The following AFAP1 variants were observed in gnomAD, a reference collection of about 807,000 sequenced individuals.
AFAP1 encodes the protein actin filament associated protein 1, also known as actin filament-associated protein 1.
Under a neutral mutation model 93.9 loss-of-function variants are expected in AFAP1, and 75 were observed. The ratio of observed to expected loss-of-function variants is 0.80; its 90% CI spans 0.66 to 0.97. AFAP1 has a LOEUF of 0.97. Among genes scored for constraint, AFAP1 ranks in the 50% least tolerant of loss-of-function variants. The pLI, the probability that AFAP1 is intolerant of heterozygous loss-of-function variation, is 0.00. For missense variants in AFAP1, 1,201 were observed against 1,050.8 expected, an observed-to-expected ratio of 1.14 and a Z score of -1.98; for synonymous variants, 517 against 430.7, an observed-to-expected ratio of 1.20 and a Z score of -2.48.
At chr4:7,869,712 G>A (rs946529488) in intron 2 of AFAP1, among the ~76,000 whole-genome samples, 1 of 152,064 alleles carries the variant, frequency 6.6e-6, no homozygotes, top group African/African-American at 2.4e-5. Flanking sequence ...ACCTATAATG[G>A]GTCCAGTACT....
rs935686600 is a variant in AFAP1 at position 7,867,568 on chromosome 4, G to T, written c.225+1054C>A. Among the ~76,000 whole-genome samples the T allele has an allele frequency of 2.0e-5, 3 of 152,298 alleles. No individual in the cohort carries two copies. The South Asian group carries it at 6.2e-4, about 32-fold the overall frequency. ...GAACTAGTATTGTTGAGAAAAGTGT[G>T]AATTTGAAATAAATGTTGCAATCTC... is the stretch of plus-strand genomic sequence containing the variant. On this transcript the variant is annotated intron_variant, in intron 3 of 17. Transcript: ENST00000420658.
chr4:7,875,084 T>C (rs9761244), intron 1 of AFAP1, among the ~76,000 whole-genome samples: 4,320 of 152,288 alleles, frequency 0.028, 206 homozygotes, highest in African/African-American at 0.099. Context: ...ACTTACCTAT[T>C]GTCAGTCATA....
chr4:7,876,706 G>C (rs1266920261), intron 1 of AFAP1, among the ~76,000 whole-genome samples: 1 of 152,158 alleles, frequency 6.6e-6, no homozygotes, highest in Admixed American at 6.5e-5. Context: ...TGAATTCCAA[G>C]AAATATTTGT....
At position 7,936,986 on chromosome 4, in the gene AFAP1, A is replaced by G. The variant is rs145299692; in HGVS notation, c.-3+2670T>C. Among the ~76,000 whole-genome samples the G allele has an allele frequency of 2.0e-3, 310 of 152,342 alleles. 1 individual carries two copies. The highest frequency in any genetic ancestry group is 6.8e-3 in the African/African-American group (281 of 41,584). ...TTACTCCCATTTTACTCTCCAAAATAAAATGTTAGGTTGAAACATACTTCA... is the reference window on the plus strand; with the variant it reads ...TTACTCCCATTTTACTCTCCAAAATGAAATGTTAGGTTGAAACATACTTCA... On this transcript the variant is annotated intron_variant, in intron 1 of 17. Coordinates refer to ENST00000420658, the MANE Select transcript of AFAP1 (RefSeq NM_001134647.2).
intron 1 of AFAP1, among the ~76,000 whole-genome samples, chr4:7,907,150 T>TAAC (rs758027270): frequency 6.6e-6 from 1 of 152,318 alleles, no homozygotes; most frequent in East Asian, 1.9e-4. Context: ...ATACAACTTG[T>TAAC]AACAGTGAGT....
intron 9 of AFAP1, among the ~76,000 whole-genome samples, chr4:7,806,250 C>A (rs1053503310): frequency 4.6e-5 from 7 of 152,222 alleles, no homozygotes; most frequent in African/African-American, 1.4e-4. Flanking sequence ...ACCTGGCCAG[C>A]CAGGCTGCAA....
At chr4:7,824,631 C>T (rs1216554554) in intron 6 of AFAP1, among the ~76,000 whole-genome samples, 2 of 152,144 alleles carry the variant, frequency 1.3e-5, no homozygotes, top group African/African-American at 2.4e-5. Flanking sequence ...TTAATGGTTA[C>T]ATTAAAATTA....
chr4:7,788,947 G>T (rs1717574552), intron 11 of AFAP1: 3 of 152,332 alleles, frequency 2.0e-5, no homozygotes. Flanking sequence ...CAGAGGCCCT[G>T]GGGGGCTCCA....
rs116139333 is a variant in AFAP1, at chr4:7,933,066, G to A, written c.-3+6590C>T. On this transcript the variant is annotated intron_variant, in intron 1 of 17. Coordinates refer to ENST00000420658, the MANE Select transcript of AFAP1 (RefSeq NM_001134647.2). ...GGGGGGGGATCTTCACGTTCCTGAC[G>A]ATTTGCAAAAAAAAATTGGTATCTG... is the stretch of plus-strand genomic sequence containing the variant. Among the ~76,000 whole-genome samples the A allele has an allele frequency of 2.1e-3, 307 of 144,162 alleles. 2 individuals carry two copies. Among genetic ancestry groups the A allele is most frequent in the African/African-American group, 7.5e-3 (292 of 38,690 alleles). The allele number at this position is 144,162 out of a possible 152,430, so 94.6% of individuals were successfully genotyped here.
intron 8 of AFAP1, among the ~76,000 whole-genome samples, chr4:7,810,977 A>C (rs1456588020): frequency 6.6e-6 from 1 of 152,220 alleles, no homozygotes; most frequent in African/African-American, 2.4e-5. Context: ...CAGGCAAGAA[A>C]TCAGAACGTG....
intron 6 of AFAP1, among the ~76,000 whole-genome samples, chr4:7,821,390 G>A (rs1007529496): frequency 3.9e-5 from 6 of 152,136 alleles, no homozygotes; most frequent in Admixed American, 6.6e-5. Flanking sequence ...AATGATTCTG[G>A]ACTAGACTTC....
chr4:7,918,312 C>A (rs1720209606), intron 1 of AFAP1, among the ~76,000 whole-genome samples: 1 of 143,078 alleles, frequency 7.0e-6, no homozygotes, highest in South Asian at 2.3e-4. Flanking sequence ...GTGGATGAGA[C>A]ACTCAGCCCA....
chr4:7,925,853 A>AAAAGAAAG (rs113529731), intron 1 of AFAP1, among the ~76,000 whole-genome samples: 2 of 147,254 alleles, frequency 1.4e-5, no homozygotes, highest in African/African-American at 2.5e-5. Context: ...CTCAAAAAAA[A>AAAAGAAAG]AAAGAAAGAA....
At chr4:7,917,628 C>T (rs974093616) in intron 1 of AFAP1, among the ~76,000 whole-genome samples, 14 of 152,184 alleles carry the variant, frequency 9.2e-5, no homozygotes, top group South Asian at 6.2e-4. Context: ...AGGCCAGGCT[C>T]AGCATGCACA....
chr4:7,865,099 A>C (rs1395901899), intron 3 of AFAP1, among the ~76,000 whole-genome samples: 1 of 152,268 alleles, frequency 6.6e-6, no homozygotes, highest in East Asian at 1.9e-4. Flanking sequence ...TTGTGTTACA[A>C]AAACTGGAAA....
chr4:7,773,519 C>CA (rs1188024328), intron 15 of AFAP1: 1 of 155,042 alleles, frequency 6.4e-6, no homozygotes, highest in Non-Finnish European at 1.4e-5. Flanking sequence ...AAGATGCACC[C>CA]ACTGGGCAGA....
At chr4:7,782,860 C>T (rs1374753675) in intron 12 of AFAP1, among the ~76,000 whole-genome samples, 2 of 152,174 alleles carry the variant, frequency 1.3e-5, no homozygotes, top group Admixed American at 6.5e-5. Context: ...ATAACGGCTC[C>T]TGCAGATAAA....
chr4:7,872,442 T>C, intron 1 of AFAP1: 1 of 184,260 alleles, frequency 5.4e-6, no homozygotes, highest in Non-Finnish European at 1.1e-5. Context: ...TGCCAAAGAG[T>C]TTTCTAATAA....
intron 9 of AFAP1, among the ~76,000 whole-genome samples, chr4:7,800,960 G>A (rs532104434): frequency 1.3e-5 from 2 of 152,320 alleles, no homozygotes; most frequent in African/African-American, 2.4e-5. Context: ...CCTAAAGCAC[G>A]TGAGAAGTTA....
Sources: allele counts gnomAD v4.1 joint callset (sites outside exome capture counted in the v4.1 genomes callset), GRCh38; gene constraint gnomAD v4.1.1; transcripts MANE v1.5; gene names NCBI Gene and HGNC (gene_info 2026-07-23, HGNC 2026-07-21).